The following NELL1 variants were observed in gnomAD, a reference collection of about 807,000 sequenced individuals.
NELL1 encodes the protein protein kinase C-binding protein NELL1.
A neutral mutation model predicts 107.4 loss-of-function variants in NELL1; 76 were observed. That is an observed-to-expected ratio of 0.71 (90% CI 0.59 to 0.86). NELL1 has a LOEUF of 0.86. NELL1 is among the 40% of genes least tolerant of loss of function. NELL1 has a pLI of 0.00. For missense variants in NELL1, 1,024 were observed against 1,005.5 expected (o/e 1.02, Z -0.25); for synonymous variants, 353 against 341.2 (o/e 1.03, Z -0.38).
intron 15 of NELL1, among the ~76,000 whole-genome samples, chr11:21,422,421 G>A (rs890970484): frequency 2.6e-5 from 4 of 151,844 alleles, no homozygotes; most frequent in African/African-American, 9.7e-5. Flanking sequence ...AAGCTAAAAG[G>A]TAGTATTATA....
intron 13 of NELL1, among the ~76,000 whole-genome samples, chr11:21,132,183 T>TTGTGTG (rs111574120): frequency 2.7e-5 from 4 of 149,818 alleles, no homozygotes; most frequent in Middle Eastern, 6.8e-3. Context: ...AGCCTGTATT[T>TTGTGTG]TGTGTGTGTG....
chr11:21,337,686 G>T (rs958026773), intron 14 of NELL1, among the ~76,000 whole-genome samples: 20 of 151,844 alleles, frequency 1.3e-4, no homozygotes, highest in African/African-American at 4.8e-4. Flanking sequence ...CCTCCTTCCT[G>T]CTGGCACCCT....
chr11:21,166,962 A>G (rs1856497684), intron 13 of NELL1, among the ~76,000 whole-genome samples: 1 of 151,910 alleles, frequency 6.6e-6, no homozygotes, highest in Admixed American at 6.6e-5. Context: ...CGTAGGATAA[A>G]GTTGAAACAC....
chr11:20,841,193 A>T (rs1848616119), intron 3 of NELL1, among the ~76,000 whole-genome samples: 1 of 151,992 alleles, frequency 6.6e-6, no homozygotes, highest in South Asian at 2.1e-4. Flanking sequence ...GACTTTTTCC[A>T]CCATATGGTG....
chr11:21,209,275 C>A (rs1479047623), intron 13 of NELL1, among the ~76,000 whole-genome samples: 1 of 150,424 alleles, frequency 6.6e-6, no homozygotes, highest in Admixed American at 6.7e-5. Context: ...ATGTGTTATA[C>A]ATAATTACTT....
At chr11:20,794,980 G>C (rs1309105291) in intron 3 of NELL1, among the ~76,000 whole-genome samples, 1 of 152,180 alleles carries the variant, frequency 6.6e-6, no homozygotes, top group Non-Finnish European at 1.5e-5. Context: ...CTGTCAACCA[G>C]AGAAACTTCA....
At chr11:21,106,154 C>T (rs1367283729) in intron 12 of NELL1, among the ~76,000 whole-genome samples, 1 of 151,694 alleles carries the variant, frequency 6.6e-6, no homozygotes, top group African/African-American at 2.4e-5. Flanking sequence ...AAGATTTTCA[C>T]CTTCTCTAAA....
upstream of NELL1, chr11:20,669,582 C>A (rs1172568551): frequency 1.7e-6 from 1 of 580,572 alleles, no homozygotes; most frequent in African/African-American, 1.9e-5. The surrounding 1 kb of genome is among the most constrained non-coding windows in gnomAD (Gnocchi z 4.4). Flanking sequence ...TATGCGAGCG[C>A]AGCACCCGGC....
At chr11:21,389,309 A>G (rs543466456) in intron 15 of NELL1, among the ~76,000 whole-genome samples, 53 of 151,934 alleles carry the variant, frequency 3.5e-4, no homozygotes, top group African/African-American at 1.3e-3. Context: ...CTGGTTTTCT[A>G]AGTTATTAAA....
intron 12 of NELL1, among the ~76,000 whole-genome samples, chr11:21,002,212 T>C (rs1029976113): frequency 2.2e-5 from 3 of 139,024 alleles, no homozygotes; most frequent in Non-Finnish European, 4.6e-5. Context: ...ACAGCTAGCA[T>C]TTCAGAGGAG....
rs182389668 is a variant in NELL1 at position 21,417,219 on chromosome 11, T to C, written c.1645+46271T>C. 1.1e-3 allele frequency among the ~76,000 whole-genome samples: 170 copies of C among 152,218 alleles called. 3 individuals are homozygous for C. Among genetic ancestry groups the C allele is most frequent in the African/African-American group, 3.9e-3 (162 of 41,554 alleles). On this transcript the variant is annotated intron_variant, in intron 15 of 19. Transcript: ENST00000357134. ...TGTCTACCTCTTCTCCTCTCCCTTTTATTTCTACCTTCTTCTTTACTTTAT... is the reference window on the plus strand; with the variant it reads ...TGTCTACCTCTTCTCCTCTCCCTTTCATTTCTACCTTCTTCTTTACTTTAT...
intron 12 of NELL1, among the ~76,000 whole-genome samples, chr11:20,988,509 A>G (rs1318949937): frequency 6.6e-6 from 1 of 151,160 alleles, no homozygotes; most frequent in Non-Finnish European, 1.5e-5. Flanking sequence ...ATGTGTGTAT[A>G]TATACATATC....
At chr11:21,385,280 A>G (rs1035743776) in intron 15 of NELL1, among the ~76,000 whole-genome samples, 6 of 151,852 alleles carry the variant, frequency 4.0e-5, no homozygotes, top group Admixed American at 1.3e-4. Flanking sequence ...TACCTAGCAC[A>G]TAGGAACTGT....
intron 17 of NELL1, among the ~76,000 whole-genome samples, chr11:21,565,669 G>T (rs11604321): frequency 0.29 from 44,729 of 151,728 alleles, 7,029 homozygotes; most frequent in Middle Eastern, 0.37. Context: ...GATACAAAAG[G>T]TGCATCACAG....
chr11:21,112,801 G>T (rs1855138120), intron 12 of NELL1, among the ~76,000 whole-genome samples: 1 of 152,044 alleles, frequency 6.6e-6, no homozygotes, highest in South Asian at 2.1e-4. Context: ...GGATTCCCAT[G>T]ATGTACTCAT....
rs1349645454 is a variant in NELL1 at position 21,037,134 on chromosome 11, T to A, written c.1301-76455T>A. On this transcript the variant is annotated intron_variant, in intron 12 of 19. Transcript: ENST00000357134. ...TCCACGGTGATGAAAATGTTTTATA[T>A]CTTCAGGGTTCATTAATAGTAGCCA... Among the ~76,000 whole-genome samples, 3 of 152,268 alleles carry A rather than the reference T, an allele frequency of 2.0e-5. No homozygotes were observed. In the East Asian group the frequency reaches 5.8e-4, roughly 29 times the overall value.
At chr11:20,949,723 T>A (rs954735360) in intron 11 of NELL1, among the ~76,000 whole-genome samples, 14 of 152,128 alleles carry the variant, frequency 9.2e-5, no homozygotes, top group Admixed American at 5.9e-4. Flanking sequence ...AGATGTGACA[T>A]CTCATTGACA....
chr11:21,449,061 T>C (rs1024264661), intron 15 of NELL1, among the ~76,000 whole-genome samples: 1 of 152,224 alleles, frequency 6.6e-6, no homozygotes, highest in South Asian at 2.1e-4. Context: ...TTCCCTCTCT[T>C]GGGTACCCAG....
chr11:21,168,845 C>T (rs537768245), intron 13 of NELL1, among the ~76,000 whole-genome samples: 2 of 151,822 alleles, frequency 1.3e-5, no homozygotes, highest in Non-Finnish European at 2.9e-5. Flanking sequence ...AGAATTGTTT[C>T]TCTGAAGAAG....
Sources: allele counts gnomAD v4.1 joint callset (sites outside exome capture counted in the v4.1 genomes callset), GRCh38; gene constraint gnomAD v4.1.1; non-coding constraint Gnocchi (gnomAD v3.1); transcripts MANE v1.5; gene names NCBI Gene and HGNC (gene_info 2026-07-23, HGNC 2026-07-21).